The following MAP2K6 variants were observed in gnomAD, a reference collection of about 807,000 sequenced individuals.
The protein encoded by MAP2K6 is mitogen-activated protein kinase kinase 6.
In MAP2K6, 16 loss-of-function variants were observed where a neutral mutation model predicts 53.7. The ratio of observed to expected loss-of-function variants is 0.30; its 90% CI spans 0.20 to 0.45. MAP2K6 has a LOEUF of 0.45. Ranked by LOEUF, MAP2K6 falls within the 20% of genes least tolerant of loss-of-function variation. The pLI is 1.00. For missense variants in MAP2K6, 204 were observed against 411.9 expected, an observed-to-expected ratio of 0.50 and a Z score of 4.37; for synonymous variants, 132 against 143.1, an observed-to-expected ratio of 0.92 and a Z score of 0.55.
At chr17:69,477,258 C>T (rs1396791487) in intron 1 of MAP2K6, 1 of 152,186 alleles carries the variant, frequency 6.6e-6, no homozygotes, top group African/African-American at 2.4e-5. Flanking sequence ...GATGTTCAAT[C>T]CCATCAGATC....
intron 1 of MAP2K6, among the ~76,000 whole-genome samples, chr17:69,461,995 A>G (rs1907637300): frequency 6.6e-6 from 1 of 152,194 alleles, no homozygotes; most frequent in Non-Finnish European, 1.5e-5. Flanking sequence ...GAAATTCGCA[A>G]GGAGGCAGTT....
intron 1 of MAP2K6, chr17:69,501,793 A>G (rs1205513745): frequency 6.6e-6 from 1 of 151,842 alleles, no homozygotes; most frequent in Non-Finnish European, 1.5e-5. Context: ...TTGCTAGCAT[A>G]TGACATCATA....
In MAP2K6 at chr17:69,526,464, G is replaced by C. The variant is rs1910775165; in HGVS notation, c.742-106G>C. Reference sequence around the variant, plus strand: ...CCCCCCTACCCCTGGACTTATACTTGAACTTTGCCTTGTGTTTCCTGCTGT... The same window carrying C: ...CCCCCCTACCCCTGGACTTATACTTCAACTTTGCCTTGTGTTTCCTGCTGT... On this transcript the variant is annotated intron_variant, in intron 9 of 11. Transcript: ENST00000590474. 4 of 1,247,708 alleles carry C rather than the reference G, an allele frequency of 3.2e-6. No homozygotes were observed. The South Asian group carries it at 4.2e-5, about 13-fold the overall frequency. 77.3% of individuals were successfully genotyped at this position (1,247,708 alleles called of 1,614,324 possible).
At chr17:69,424,136 G>A (rs571335645) in intron 1 of MAP2K6, among the ~76,000 whole-genome samples, 6 of 152,116 alleles carry the variant, frequency 3.9e-5, no homozygotes, top group African/African-American at 7.2e-5. Context: ...CCCTAACCCC[G>A]GGTGGGCAAT....
intron 2 of MAP2K6, among the ~76,000 whole-genome samples, chr17:69,512,339 G>GTTT (rs746993199): frequency 1.3e-4 from 11 of 82,106 alleles, no homozygotes; most frequent in Admixed American, 4.3e-4. Flanking sequence ...TTTTTTTTTT[G>GTTT]TTTTTTTTTT....
chr17:69,463,754 A>C (rs1484136733), intron 1 of MAP2K6, among the ~76,000 whole-genome samples: 3 of 152,006 alleles, frequency 2.0e-5, no homozygotes, highest in Non-Finnish European at 4.4e-5. Context: ...TTATTTTGAA[A>C]ATAAGCTATA....
Position 69,475,215 on chromosome 17 carries a change from T to C in MAP2K6, c.17-30565T>C, listed in dbSNP as rs996852809. On this transcript the variant is annotated intron_variant, in intron 1 of 11. Transcript: ENST00000590474. ...ACGGAGTCTCACTGTGTCTCCCAGG[T>C]TGGAGTGCGGTGGCGCGATCTCGGC... Among the ~76,000 whole-genome samples, 5 of 146,090 alleles carry C rather than the reference T, an allele frequency of 3.4e-5. No individual in the cohort carries two copies. The East Asian group carries it at 8.1e-4, about 24-fold the overall frequency.
intron 1 of MAP2K6, among the ~76,000 whole-genome samples, chr17:69,462,648 G>C (rs1189523025): frequency 6.6e-6 from 1 of 152,046 alleles, no homozygotes; most frequent in Non-Finnish European, 1.5e-5. Flanking sequence ...CCTCATTTCT[G>C]GGCCTCTCCT....
intron 1 of MAP2K6, among the ~76,000 whole-genome samples, chr17:69,468,579 G>A (rs1247560051): frequency 1.3e-5 from 2 of 152,208 alleles, no homozygotes; most frequent in Admixed American, 6.5e-5. Flanking sequence ...TATCCTTTGC[G>A]TAGGGTTGAT....
chr17:69,420,426 T>C (rs1261388888), intron 1 of MAP2K6, among the ~76,000 whole-genome samples: 1 of 152,214 alleles, frequency 6.6e-6, no homozygotes, highest in African/African-American at 2.4e-5. Context: ...ATCTTTAAGA[T>C]TCTTGTTAAG....
intron 1 of MAP2K6, among the ~76,000 whole-genome samples, chr17:69,415,629 G>T (rs1329684521): frequency 6.6e-6 from 1 of 152,132 alleles, no homozygotes; most frequent in African/African-American, 2.4e-5. Context: ...TACACCAATT[G>T]CTTATTGGCT....
At position 69,418,124 on chromosome 17, in the gene MAP2K6, C is replaced by T. The variant is rs559383045; in HGVS notation, c.16+3124C>T. 3.9e-5 allele frequency among the ~76,000 whole-genome samples: 6 copies of T among 152,238 alleles called. No individual in the cohort carries two copies. The East Asian group carries it at 1.2e-3, about 29-fold the overall frequency. On this transcript the variant is annotated intron_variant, in intron 1 of 11. Coordinates refer to ENST00000590474, the MANE Select transcript of MAP2K6 (RefSeq NM_002758.4). ...GTTAGGTTGTACCAGACGGACTTGT[C>T]ATGCTTAGCCTGTAATCTGAGCCAG...
intron 1 of MAP2K6, among the ~76,000 whole-genome samples, chr17:69,457,013 G>A (rs139410589): frequency 3.3e-5 from 5 of 152,224 alleles, no homozygotes; most frequent in South Asian, 2.1e-4. Flanking sequence ...CACAACCCAC[G>A]TTTTTGCATA....
chr17:69,453,912 G>A (rs1275257067), intron 1 of MAP2K6, among the ~76,000 whole-genome samples: 1 of 152,174 alleles, frequency 6.6e-6, no homozygotes, highest in Non-Finnish European at 1.5e-5. Flanking sequence ...CCAATGTGCA[G>A]CCAAGGCTGA....
At chr17:69,439,763 A>G (rs964775823) in intron 1 of MAP2K6, among the ~76,000 whole-genome samples, 1 of 152,110 alleles carries the variant, frequency 6.6e-6, no homozygotes, top group Non-Finnish European at 1.5e-5. Flanking sequence ...TTTGGTATTA[A>G]GTTTGCCTCC....
chr17:69,529,948 AT>A (rs1910994584), intron 10 of MAP2K6, among the ~76,000 whole-genome samples: 1 of 152,070 alleles, frequency 6.6e-6, no homozygotes, highest in Admixed American at 6.5e-5. Context: ...CTGCAAAGAT[AT>A]CCCCTTCTCT....
At chr17:69,449,543 TTC>T (rs1491358220) in intron 1 of MAP2K6, among the ~76,000 whole-genome samples, 6,854 of 88,148 alleles carry the variant, frequency 0.078, 353 homozygotes, top group East Asian at 0.3. Context: ...CTTTCTTTCT[TTC>T]TTTCTTTCTT....
chr17:69,534,565 T>C (rs76700212), intron 10 of MAP2K6, among the ~76,000 whole-genome samples: 4 of 151,790 alleles, frequency 2.6e-5, no homozygotes, highest in Non-Finnish European at 2.9e-5. Context: ...TCTCTCTCTT[T>C]TTTTTTTTTT....
At chr17:69,487,951 C>A (rs1191118629) in intron 1 of MAP2K6, among the ~76,000 whole-genome samples, 1 of 151,930 alleles carries the variant, frequency 6.6e-6, no homozygotes, top group African/African-American at 2.4e-5. Flanking sequence ...TTTTGATTAG[C>A]CATTAAAATC....
Sources: gnomAD v4.1 joint callset for allele counts (sites outside exome capture counted in the v4.1 genomes callset) on GRCh38, gnomAD v4.1.1 for gene constraint, MANE v1.5 for transcripts, NCBI Gene and HGNC (gene_info 2026-07-23, HGNC 2026-07-21) for gene names.